The following SEC14L6 variants were observed in gnomAD, a reference collection of about 807,000 sequenced individuals.
SEC14L6 encodes SEC14 like lipid binding 6, also known as SEC14-like protein 6.
SEC14L6 carries 40 observed loss-of-function variants against 54.1 expected under a neutral mutation model. The ratio of observed to expected loss-of-function variants is 0.74; its 90% CI spans 0.57 to 0.96. The LOEUF is 0.96. Among genes scored for constraint, SEC14L6 ranks in the 40% least tolerant of loss-of-function variants. SEC14L6 has a pLI of 0.00. For synonymous variants in SEC14L6, 171 were observed against 198.4 expected, an observed-to-expected ratio of 0.86 and a Z score of 1.16; for missense variants, 471 against 498.3, an observed-to-expected ratio of 0.95 and a Z score of 0.52.
intron 1 of SEC14L6, among the ~76,000 whole-genome samples, chr22:30,545,100 C>G (rs1236496867): frequency 2.0e-5 from 3 of 152,086 alleles, no homozygotes; most frequent in African/African-American, 7.2e-5. Context: ...CTCATGGAAC[C>G]GTGTGAGTCT....
intron 1 of SEC14L6, chr22:30,543,203 C>T: frequency 6.2e-7 from 1 of 1,603,900 alleles, no homozygotes; most frequent in Non-Finnish European, 8.5e-7. Context: ...ATCCACAGCA[C>T]AGCCAATGTG....
At chr22:30,533,839 C>T (rs935674714) in intron 3 of SEC14L6, among the ~76,000 whole-genome samples, 157 bp downstream of exon 3, 2 of 152,122 alleles carry the variant, frequency 1.3e-5, no homozygotes, top group African/African-American at 4.8e-5. Context: ...CGGCAGTCTC[C>T]CCAGCGCCTA....
intron 8 of SEC14L6, among the ~76,000 whole-genome samples, chr22:30,526,594 G>A (rs543387080): frequency 6.6e-6 from 1 of 152,322 alleles, no homozygotes; most frequent in East Asian, 1.9e-4. Flanking sequence ...GCTGGGCCTG[G>A]TGGTGCACTC....
chr22:30,538,641 CCT>C (rs1197643404), intron 2 of SEC14L6, among the ~76,000 whole-genome samples, 184 bp downstream of exon 2: 3 of 152,164 alleles, frequency 2.0e-5, no homozygotes. Context: ...CATGAGAGAC[CCT>C]GAGTCAGAAA....
In SEC14L6 at chr22:30,532,524, CCTT is replaced by C; in HGVS notation, c.421_423del (p.Lys141del). The C allele has an allele frequency of 6.5e-7, 1 of 1,547,718 alleles. No homozygotes were observed. Among genetic ancestry groups the C allele is most frequent in the South Asian group, 1.2e-5 (1 of 83,570 alleles). ...AGCTGCCCAGGGTGGCACCCACACA[CCTT>C]CTGACTCTGCAGCTCACACTCCCGC... On this transcript the variant is annotated inframe_deletion and splice_region_variant, in exon 5 of 12. Transcript: ENST00000402034.
intron 8 of SEC14L6, among the ~76,000 whole-genome samples, chr22:30,527,574 C>T (rs1183647360): frequency 1.3e-5 from 2 of 151,702 alleles, no homozygotes; most frequent in African/African-American, 4.8e-5. Flanking sequence ...TAACATGTAA[C>T]CAGGTGTGGT....
At chr22:30,540,843 AC>A (rs2085693392) in intron 1 of SEC14L6, among the ~76,000 whole-genome samples, 1 of 151,842 alleles carries the variant, frequency 6.6e-6, no homozygotes, top group South Asian at 2.1e-4. Context: ...ACACGGTGAA[AC>A]CCCATCTCTA....
intron 8 of SEC14L6, 68 bp downstream of exon 8, chr22:30,529,019 A>G: frequency 7.6e-7 from 1 of 1,312,216 alleles, no homozygotes; most frequent in Non-Finnish European, 1.1e-6. Context: ...GAACCATCAG[A>G]TCTGTGAGAA....
In SEC14L6 at chr22:30,534,008, G is replaced by A. The variant is rs1937067332; in HGVS notation, c.162C>T (p.Asp54=). 6 of 1,550,834 alleles carry A rather than the reference G, an allele frequency of 3.9e-6. No individual in the cohort carries two copies. The African/African-American group carries it at 4.1e-5, about 11-fold the overall frequency. The change falls in exon 3 of 12, where the codon GAC becomes GAT. Residue 54 remains aspartate, a synonymous_variant. Coordinates refer to ENST00000402034, the MANE Select transcript of SEC14L6 (RefSeq NM_001193336.4). ...GTGTCAACCTCACCTTCCTCAGCAT[G>A]TCCTCTGATTTCTGCAGGTCAAAGC... ...ARSFDLQKSE[D]MLRKHMEFRK...
At chr22:30,526,850 C>T (rs1008068134) in intron 8 of SEC14L6, among the ~76,000 whole-genome samples, 1 of 152,178 alleles carries the variant, frequency 6.6e-6, no homozygotes, top group African/African-American at 2.4e-5. Flanking sequence ...AATTCCAGCA[C>T]TTCAGGAGGC....
At chr22:30,528,119 C>CT (rs1201756831) in intron 8 of SEC14L6, among the ~76,000 whole-genome samples, 2,665 of 117,670 alleles carry the variant, frequency 0.023, 64 homozygotes, top group African/African-American at 0.027. Flanking sequence ...ACCTAGATTT[C>CT]TTTTTTTTTT....
chr22:30,543,744 C>A (rs1042089098), intron 1 of SEC14L6: 8 of 1,581,154 alleles, frequency 5.1e-6, no homozygotes, highest in Non-Finnish European at 7.0e-6. Context: ...AGGCTCTCTA[C>A]CTCGTCCGAA....
chr22:30,544,919 AAAC>A (rs1386679248), intron 1 of SEC14L6, among the ~76,000 whole-genome samples: 4 of 151,972 alleles, frequency 2.6e-5, no homozygotes, highest in Non-Finnish European at 4.4e-5. Context: ...TTTTTTCTTA[AAAC>A]AACAACAACG....
intron 11 of SEC14L6, 63 bp from the exon 12 acceptor site, chr22:30,525,172 TA>T: frequency 7.9e-7 from 1 of 1,271,596 alleles, no homozygotes; most frequent in Non-Finnish European, 1.1e-6. Context: ...TCCATGGTGG[TA>T]AATCTCTGCG....
At position 30,531,998 on chromosome 22, in the gene SEC14L6, G is replaced by A. The variant is rs984929977; in HGVS notation, c.424C>T (p.Leu142=). The A allele has an allele frequency of 1.3e-6, 2 of 1,550,286 alleles. No homozygotes were observed. The highest frequency in any genetic ancestry group is 1.7e-6 in the Non-Finnish European group (2 of 1,146,608). The part of the protein sequence containing the change: ...LRECELQSQK[L]GKRVEKIIAI... ...ATGATTTTCTCCACCCTCTTCCCCA[G>A]CTGCAAGGGAATGACAGGGGGTGAG... The change falls in exon 6 of 12, where the codon CTG becomes TTG. Residue 142 remains leucine, a splice_region_variant and synonymous_variant. Transcript: ENST00000402034.
Position 30,529,128 on chromosome 22 carries a change from T to A in SEC14L6, c.623A>T (p.Tyr208Phe), listed in dbSNP as rs758093661. 1 of 1,551,300 alleles carries A rather than the reference T, an allele frequency of 6.4e-7. No homozygotes were observed. The highest frequency in any genetic ancestry group is 1.2e-5 in the South Asian group (1 of 84,042). Residue 208 changes from tyrosine to phenylalanine, a missense_variant, in exon 8 of 12, where the codon TAC becomes TTC. By Grantham distance (22) the Tyr-to-Phe change is conservative. Coordinates refer to ENST00000402034, the MANE Select transcript of SEC14L6 (RefSeq NM_001193336.4). ...FAVAFNLVKS[Y>F]MSEETRRKVV... ...CTTCCTGCGTGTCTCTTCACTCATG[T>A]AAGACTTGACCAGGTTGAAGGCTAC... is the stretch of plus-strand genomic sequence containing the variant.
At chr22:30,534,093 T>A (rs5753187) in intron 2 of SEC14L6, 54 bp from the exon 3 acceptor site, 1,117,154 of 1,530,094 alleles carry the variant, frequency 0.73, 410,293 homozygotes, top group Middle Eastern at 0.78. Flanking sequence ...CACTCCAGGC[T>A]TCTGGAGAGA....
At chr22:30,525,787 G>A (rs1936755543) in intron 9 of SEC14L6, 37 bp from the exon 10 acceptor site, 2 of 1,613,742 alleles carry the variant, frequency 1.2e-6, no homozygotes, top group East Asian at 4.5e-5. Flanking sequence ...CTAGGTCACA[G>A]CTTCTCCCCT....
At chr22:30,543,537 C>T (rs896160565) in intron 1 of SEC14L6, 2 of 1,613,274 alleles carry the variant, frequency 1.2e-6, no homozygotes, top group African/African-American at 1.3e-5. Flanking sequence ...TATCTGCCCA[C>T]AGGGATGATG....
Sources: allele counts gnomAD v4.1 joint callset (sites outside exome capture counted in the v4.1 genomes callset), GRCh38; gene constraint gnomAD v4.1.1; transcripts MANE v1.5; gene names NCBI Gene and HGNC (gene_info 2026-07-23, HGNC 2026-07-21).